Variants in CERT1 observed in about 807,000 individuals in gnomAD.
CERT1 encodes the protein ceramide transporter 1.
Under a neutral mutation model 87.9 loss-of-function variants are expected in CERT1, and 31 were observed. That is an observed-to-expected ratio of 0.35 (90% CI 0.27 to 0.48). The LOEUF is 0.48. CERT1 is among the 20% of genes least tolerant of loss of function. The probability of loss-of-function intolerance (pLI) is 0.99; values close to 1 mark genes in which losing one functional copy is unlikely to be tolerated. For synonymous variants in CERT1, 289 were observed against 250.9 expected (o/e 1.15, Z -1.44); for missense variants, 487 against 758.0 (o/e 0.64, Z 4.20).
intron 3 of CERT1, among the ~76,000 whole-genome samples, chr5:75,427,232 T>C (rs777710494): frequency 1.3e-5 from 2 of 152,240 alleles, no homozygotes; most frequent in Non-Finnish European, 2.9e-5. Context: ...TTAAAACATT[T>C]GAACTTCCAA....
At chr5:75,416,165 T>TCTAA in intron 7 of CERT1, among the ~76,000 whole-genome samples, 1 of 152,326 alleles carries the variant, frequency 6.6e-6, no homozygotes, top group East Asian at 1.9e-4. Flanking sequence ...GAAAAATGCC[T>TCTAA]CTAACTCTAT....
chr5:75,424,896 T>C lies in CERT1; in HGVS notation c.595+465A>G, dbSNP rs148552424. 8.8e-3 allele frequency among the ~76,000 whole-genome samples: 1,339 copies of C among 152,230 alleles called. 12 individuals carry two copies. Among genetic ancestry groups the C allele is most frequent in the Middle Eastern group, 0.027 (8 of 294 alleles). ...GGTAGGCCGAAGTGGGAAGATTGCT[T>C]GAGGCCAGGAGTTCAAGACCAACCT... On this transcript the variant is annotated intron_variant, in intron 5 of 16. Coordinates refer to ENST00000643780, the MANE Select transcript of CERT1 (RefSeq NM_001379029.1).
chr5:75,452,836 C>T (rs1249262300), intron 3 of CERT1, among the ~76,000 whole-genome samples: 2 of 151,936 alleles, frequency 1.3e-5, no homozygotes, highest in Admixed American at 1.3e-4. Context: ...AAAACAAAAC[C>T]CTATCTTTAA....
At chr5:75,502,896 A>G (rs1343793025) in intron 2 of CERT1, among the ~76,000 whole-genome samples, 1 of 152,090 alleles carries the variant, frequency 6.6e-6, no homozygotes, top group African/African-American at 2.4e-5. Flanking sequence ...TCTTCTAAGT[A>G]TCAAGCTATA....
chr5:75,424,430 G>T (rs555737145), intron 5 of CERT1, among the ~76,000 whole-genome samples: 3 of 151,962 alleles, frequency 2.0e-5, no homozygotes, highest in Non-Finnish European at 4.4e-5. Flanking sequence ...AAATTAGCTG[G>T]GCATGGTGGC....
At chr5:75,451,548 T>C (rs1764768999) in intron 3 of CERT1, among the ~76,000 whole-genome samples, 2 of 152,178 alleles carry the variant, frequency 1.3e-5, no homozygotes, top group African/African-American at 2.4e-5. Flanking sequence ...CAAAATAATG[T>C]TATATTTGCA....
At chr5:75,374,579 C>T (rs969596029), downstream of CERT1, 15 of 706,266 alleles carry the variant, frequency 2.1e-5, no homozygotes, top group African/African-American at 1.9e-4. Context: ...TTAAGAAATT[C>T]GTCATTTGAA....
At position 75,379,173 on chromosome 5, in the gene CERT1, C is replaced by A. The variant is rs1054296381; in HGVS notation, c.*173G>T. 1.6e-6 allele frequency: 1 copy of A among 611,038 alleles called. No homozygotes were observed. Among genetic ancestry groups the A allele is most frequent in the Non-Finnish European group, 2.8e-6 (1 of 353,720 alleles). The allele number at this position is 611,038 out of a possible 1,614,324, so 37.9% of individuals were successfully genotyped here. On this transcript the variant is annotated 3_prime_UTR_variant, in exon 17 of 17. Transcript: ENST00000643780. The stretch of plus-strand genomic sequence containing the variant: ...CTTCAGCTTAGGAAACAGAGCAAGA[C>A]CCTGTTTAAAACAACAACAACGACA...
rs566426992 is a variant in CERT1 at position 75,386,928 on chromosome 5, C to T, written c.1285-894G>A. ...TGTTGCCCAGGCTGGAGTGCAATGG[C>T]GCCGTCTCGGCTCACTGCAACCTCC... On this transcript the variant is annotated intron_variant, in intron 12 of 16. Coordinates refer to ENST00000643780, the MANE Select transcript of CERT1 (RefSeq NM_001379029.1). 7.9e-5 allele frequency among the ~76,000 whole-genome samples: 12 copies of T among 152,222 alleles called. No homozygotes were observed. The East Asian group carries it at 1.2e-3, about 15-fold the overall frequency.
intron 13 of CERT1, among the ~76,000 whole-genome samples, 183 bp from the exon 14 acceptor site, chr5:75,384,895 G>A (rs769512109): frequency 6.6e-5 from 10 of 152,150 alleles, no homozygotes; most frequent in Non-Finnish European, 1.2e-4. Context: ...TTAGGGATGT[G>A]AGGTCTGATC....
intron 7 of CERT1, among the ~76,000 whole-genome samples, chr5:75,411,366 T>C (rs1762929629): frequency 6.6e-6 from 1 of 152,150 alleles, no homozygotes; most frequent in Non-Finnish European, 1.5e-5. Flanking sequence ...CAGGCTGGAG[T>C]GCAATGGCAT....
intron 16 of CERT1, among the ~76,000 whole-genome samples, chr5:75,380,632 C>T (rs560756710): frequency 2.6e-5 from 4 of 151,768 alleles, no homozygotes; most frequent in Non-Finnish European, 5.9e-5. Context: ...ACTAAAAATA[C>T]AAAAAACTAG....
chr5:75,369,639 G>A (rs1254814967), intron 17 of CERT1: 1 of 152,198 alleles, frequency 6.6e-6, no homozygotes, highest in Admixed American at 6.5e-5. Flanking sequence ...GAGTGGGGAG[G>A]AGTCAGAAAA....
chr5:75,416,017 A>G (rs1763119318), intron 7 of CERT1, among the ~76,000 whole-genome samples: 1 of 152,190 alleles, frequency 6.6e-6, no homozygotes. Flanking sequence ...TCCTAAACAC[A>G]TAGTGCTATC....
At chr5:75,488,070 G>C (rs1037823078) in intron 2 of CERT1, among the ~76,000 whole-genome samples, 1 of 151,938 alleles carries the variant, frequency 6.6e-6, no homozygotes, top group African/African-American at 2.4e-5. Context: ...AGATTAGAGG[G>C]AGGGAGTGTG....
At chr5:75,507,209 A>G (rs1767690470) in intron 1 of CERT1, among the ~76,000 whole-genome samples, 1 of 152,012 alleles carries the variant, frequency 6.6e-6, no homozygotes, top group Non-Finnish European at 1.5e-5. Context: ...GTTTACCGCA[A>G]TCTCCTGGGC....
Position 75,403,070 on chromosome 5 carries a change from C to G in CERT1, c.931-12G>C. On this transcript the variant is annotated splice_polypyrimidine_tract_variant and intron_variant, in intron 8 of 16. Coordinates refer to ENST00000643780, the MANE Select transcript of CERT1 (RefSeq NM_001379029.1). ...CTGTTAGGGCCTTCCTATTCCAACACACAGTGGAGAAAAAAGCAGTTTATT... is the reference window on the plus strand; with the variant it reads ...CTGTTAGGGCCTTCCTATTCCAACAGACAGTGGAGAAAAAAGCAGTTTATT... The G allele has an allele frequency of 6.3e-7, 1 of 1,581,318 alleles. No homozygotes were observed. The highest frequency in any genetic ancestry group is 2.2e-5 in the East Asian group (1 of 44,648).
At chr5:75,414,052 T>C (rs1045249075) in intron 7 of CERT1, among the ~76,000 whole-genome samples, 1 of 152,114 alleles carries the variant, frequency 6.6e-6, no homozygotes, top group Non-Finnish European at 1.5e-5. Flanking sequence ...AATAAAATAG[T>C]GTATAGCAAT....
At chr5:75,484,646 CGT>C (rs1285161417) in intron 2 of CERT1, among the ~76,000 whole-genome samples, 2 of 151,686 alleles carry the variant, frequency 1.3e-5, no homozygotes, top group Non-Finnish European at 2.9e-5. Flanking sequence ...ATAAGAAGGT[CGT>C]TACATAATGA....
Sources: gnomAD v4.1 joint callset for allele counts (sites outside exome capture counted in the v4.1 genomes callset) on GRCh38, gnomAD v4.1.1 for gene constraint, MANE v1.5 for transcripts, NCBI Gene and HGNC (gene_info 2026-07-23, HGNC 2026-07-21) for gene names.